The following ONECUT2 variants were observed in gnomAD, a reference collection of about 807,000 sequenced individuals.
ONECUT2 encodes one cut homeobox 2.
Under a neutral mutation model 27.9 loss-of-function variants are expected in ONECUT2, and 10 were observed. The ratio of observed to expected loss-of-function variants is 0.36; its 90% CI spans 0.22 to 0.61. The LOEUF is 0.61. ONECUT2 is among the 20% of genes least tolerant of loss of function. The pLI, the probability that ONECUT2 is intolerant of heterozygous loss-of-function variation, is 0.73. For missense variants in ONECUT2, 686 were observed against 721.0 expected, an observed-to-expected ratio of 0.95 and a Z score of 0.56; for synonymous variants, 334 against 315.1, an observed-to-expected ratio of 1.06 and a Z score of -0.64.
intron 1 of ONECUT2, among the ~76,000 whole-genome samples, chr18:57,473,080 T>C (rs1347090548): frequency 6.6e-6 from 1 of 152,180 alleles, no homozygotes; most frequent in Non-Finnish European, 1.5e-5. Context: ...TTCTACATCT[T>C]AAAAGGGGCT....
intron 1 of ONECUT2, among the ~76,000 whole-genome samples, chr18:57,446,379 G>T (rs2050200540): frequency 6.6e-6 from 1 of 152,174 alleles, no homozygotes; most frequent in African/African-American, 2.4e-5. Flanking sequence ...TGTGCAAACG[G>T]TGCTTTTAGC....
chr18:57,456,457 A>G (rs2050260076), intron 1 of ONECUT2, among the ~76,000 whole-genome samples: 2 of 152,226 alleles, frequency 1.3e-5, no homozygotes, highest in African/African-American at 2.4e-5. Flanking sequence ...AGTCTTGAGG[A>G]TATTAAGCTA....
chr18:57,446,557 T>A (rs1401467574), intron 1 of ONECUT2, among the ~76,000 whole-genome samples: 1 of 152,180 alleles, frequency 6.6e-6, no homozygotes, highest in Non-Finnish European at 1.5e-5. Context: ...GTCTTCTAAC[T>A]GCACTAAGCC....
At chr18:57,452,410 GTATTTTATTTTATTT>G (rs59877360) in intron 1 of ONECUT2, among the ~76,000 whole-genome samples, 1 of 150,886 alleles carries the variant, frequency 6.6e-6, no homozygotes, top group African/African-American at 2.5e-5. Context: ...AGCTCAACCT[GTATTTTATTTTATTT>G]TATTTTATTT....
chr18:57,436,998 G>T lies in ONECUT2; in HGVS notation c.1228+54G>T, dbSNP rs530013813. ...CTGCTGGGAAGAGGGCTCCGGGTCC[G>T]GTGCTTGTGGCCCAAGTCTGCGCGC... On this transcript the variant is annotated intron_variant, in intron 1 of 1. Transcript: ENST00000491143. This position sits in a 1 kb window ranked among gnomAD's most constrained non-coding sequence, Gnocchi z 5.9. 5.3e-6 allele frequency: 8 copies of T among 1,515,920 alleles called. No homozygotes were observed. The African/African-American group carries it at 1.1e-4, about 21-fold the overall frequency. 93.9% of individuals were successfully genotyped at this position (1,515,920 alleles called of 1,614,324 possible).
In ONECUT2 at chr18:57,486,810, T is replaced by C. The variant is rs2050441039; in HGVS notation, c.*10087T>C. 1 of 152,642 alleles carries C rather than the reference T, an allele frequency of 6.6e-6. No individual in the cohort carries two copies. The highest frequency in any genetic ancestry group is 6.6e-5 in the Admixed American group (1 of 15,262). 9.5% of individuals were successfully genotyped at this position (152,642 alleles called of 1,614,324 possible). On this transcript the variant is annotated 3_prime_UTR_variant, in exon 2 of 2. Transcript: ENST00000491143. The stretch of plus-strand genomic sequence containing the variant: ...AAACAATCTGTGTTCATTTGCTCTG[T>C]TGAAAAGAATAATTATTTTCTACAT...
In ONECUT2 at chr18:57,436,787, G is replaced by T. The variant is rs2050145575; in HGVS notation, c.1071G>T (p.Ala357=). ...ACAGTATCCCCCAGGCGATCTTTGC[G>T]CAGAGGGTGCTGTGCCGGTCTCAGG... The part of the protein sequence containing the change: ...KRYSIPQAIF[A]QRVLCRSQGT... Residue 357 remains alanine, a synonymous_variant, in exon 1 of 2, where the codon GCG becomes GCT. Transcript: ENST00000491143. This position sits in a 1 kb window ranked among gnomAD's most constrained non-coding sequence, Gnocchi z 5.9. 6.2e-7 allele frequency: 1 copy of T among 1,613,976 alleles called. No homozygotes were observed. Among genetic ancestry groups the T allele is most frequent in the African/African-American group, 1.3e-5 (1 of 74,956 alleles).
At position 57,488,133 on chromosome 18, in the gene ONECUT2, T is replaced by G. The variant is rs1293571513; in HGVS notation, c.*11410T>G. On this transcript the variant is annotated 3_prime_UTR_variant, in exon 2 of 2. Transcript: ENST00000491143. The stretch of plus-strand genomic sequence containing the variant: ...ATAATAAAAAGCAACATATTTTTAT[T>G]TGGCCTTATAAATTAGGTTGTGGTA... The G allele has an allele frequency of 2.0e-5, 3 of 152,656 alleles. No individual in the cohort carries two copies. Among genetic ancestry groups the G allele is most frequent in the Non-Finnish European group, 4.4e-5 (3 of 68,042 alleles). 9.5% of individuals were successfully genotyped at this position (152,656 alleles called of 1,614,324 possible). A position where few individuals can be genotyped will look rare whatever the true frequency, so the allele number is the denominator to read the frequency against.
chr18:57,473,881 A>G (rs1304727025), intron 1 of ONECUT2, among the ~76,000 whole-genome samples: 1 of 152,212 alleles, frequency 6.6e-6, no homozygotes, highest in Non-Finnish European at 1.5e-5. Context: ...TCCAACAAAA[A>G]TATGCAGTCT....
In ONECUT2 at chr18:57,437,036, C is replaced by T; in HGVS notation, c.1228+92C>T. 2.7e-6 allele frequency: 4 copies of T among 1,469,532 alleles called. No homozygotes were observed. In the South Asian group the frequency reaches 4.2e-5, roughly 16 times the overall value. The allele number at this position is 1,469,532 out of a possible 1,614,324, so 91.0% of individuals were successfully genotyped here. A position where few individuals can be genotyped will look rare whatever the true frequency, so the allele number is the denominator to read the frequency against. ...CAAGTCTGCGCGCCGAGTCACTTCT[C>T]TTGATTCTTTCCTTCTCTTTCCTAT... is the stretch of plus-strand genomic sequence containing the variant. On this transcript the variant is annotated intron_variant, in intron 1 of 1. Coordinates refer to ENST00000491143, the MANE Select transcript of ONECUT2 (RefSeq NM_004852.3).
intron 1 of ONECUT2, among the ~76,000 whole-genome samples, chr18:57,462,441 A>G (rs1487462530): frequency 6.6e-6 from 1 of 152,104 alleles, no homozygotes; most frequent in East Asian, 1.9e-4. Context: ...GCTGGAGTAT[A>G]GTGGTACGAT....
intron 1 of ONECUT2, 70 bp from the exon 2 acceptor site, chr18:57,476,367 C>G: frequency 6.6e-7 from 1 of 1,506,510 alleles, no homozygotes; most frequent in East Asian, 2.3e-5. Context: ...ACAACTTTGT[C>G]AATGTTTTCC....
Position 57,476,928 on chromosome 18 carries a change from A to C in ONECUT2, c.*205A>C. On this transcript the variant is annotated 3_prime_UTR_variant, in exon 2 of 2. Transcript: ENST00000491143. ...TTGTTTTTAATGGCTATGGAGTCCA[A>C]GTGCAAGCTGAAAAATTAATCTCTT... is the stretch of plus-strand genomic sequence containing the variant. 1.6e-6 allele frequency: 1 copy of C among 618,414 alleles called. No homozygotes were observed. The highest frequency in any genetic ancestry group is 2.8e-6 in the Non-Finnish European group (1 of 360,100). The allele number at this position is 618,414 out of a possible 1,614,324, so 38.3% of individuals were successfully genotyped here. A position where few individuals can be genotyped will look rare whatever the true frequency, so the allele number is the denominator to read the frequency against.
intron 1 of ONECUT2, among the ~76,000 whole-genome samples, chr18:57,463,888 T>C (rs1206084305): frequency 6.6e-6 from 1 of 152,206 alleles, no homozygotes; most frequent in African/African-American, 2.4e-5. Context: ...ACAATCAATA[T>C]TGATTTTCTA....
intron 1 of ONECUT2, among the ~76,000 whole-genome samples, chr18:57,465,059 CCA>C (rs1196308942): frequency 3.7e-4 from 56 of 152,268 alleles, no homozygotes; most frequent in African/African-American, 1.3e-3. Flanking sequence ...AGCATTACCG[CCA>C]CAGTGTCAGT....
chr18:57,437,444 G>A lies in ONECUT2; in HGVS notation c.1228+500G>A, dbSNP rs553788804. ...AGAGGCAGTTGAGAGGCTTTGCTCT[G>A]CAGAGGGAAAAGAGCTCTCTACTCT... is the stretch of plus-strand genomic sequence containing the variant. On this transcript the variant is annotated intron_variant, in intron 1 of 1. Transcript: ENST00000491143. Among the ~76,000 whole-genome samples, 14 of 152,360 alleles carry A rather than the reference G, an allele frequency of 9.2e-5. 1 individual carries two copies. In the South Asian group the frequency reaches 2.9e-3, roughly 32 times the overall value.
At chr18:57,475,803 G>A (rs1414148350) in intron 1 of ONECUT2, among the ~76,000 whole-genome samples, 7 of 151,902 alleles carry the variant, frequency 4.6e-5, no homozygotes, top group African/African-American at 1.5e-4. Flanking sequence ...ATGAGAATTG[G>A]CTAAACCAAT....
chr18:57,452,644 C>G (rs1249775887), intron 1 of ONECUT2, among the ~76,000 whole-genome samples: 1 of 152,160 alleles, frequency 6.6e-6, no homozygotes, highest in Non-Finnish European at 1.5e-5. Flanking sequence ...AGGCTGGTCT[C>G]GAACTCCTGA....
Position 57,483,120 on chromosome 18 carries a change from GA to G in ONECUT2, c.*6410del, listed in dbSNP as rs72219196. Reference sequence around the variant, plus strand: ...CCAAAGACCTGAAAAAGGACAAAAAGAAAAAAAAAAAAAGAAAAAACAAAGA... The same window carrying G: ...CCAAAGACCTGAAAAAGGACAAAAAGAAAAAAAAAAAAGAAAAAACAAAGA... On this transcript the variant is annotated 3_prime_UTR_variant, in exon 2 of 2. Coordinates refer to ENST00000491143, the MANE Select transcript of ONECUT2 (RefSeq NM_004852.3). The G allele has an allele frequency of 0.084, 8,578 of 101,994 alleles. 684 individuals carry two copies. Among genetic ancestry groups the G allele is most frequent in the East Asian group, 0.43 (1,818 of 4,236 alleles). 6.3% of individuals were successfully genotyped at this position (101,994 alleles called of 1,614,324 possible). A position where few individuals can be genotyped will look rare whatever the true frequency, so the allele number is the denominator to read the frequency against.
Sources: allele counts gnomAD v4.1 joint callset (sites outside exome capture counted in the v4.1 genomes callset), GRCh38; gene constraint gnomAD v4.1.1; non-coding constraint Gnocchi (gnomAD v3.1); transcripts MANE v1.5; gene names NCBI Gene and HGNC (gene_info 2026-07-23, HGNC 2026-07-21).